Variants in DCC observed in about 807,000 individuals in gnomAD.
The protein encoded by DCC is DCC netrin 1 receptor.
Under a neutral mutation model 172.5 loss-of-function variants are expected in DCC, and 58 were observed. That is an observed-to-expected ratio of 0.34 (90% confidence interval 0.27 to 0.42). The LOEUF (loss-of-function observed/expected upper bound fraction) is 0.42. Among genes scored for constraint, DCC ranks in the 10% least tolerant of loss-of-function variants. The pLI is 1.00. For synonymous variants in DCC, 709 were observed against 644.5 expected (o/e 1.10, Z -1.52); for missense variants, 1,740 against 1,791.0 (o/e 0.97, Z 0.51).
chr18:53,065,976 T>A (rs538839257), intron 6 of DCC, 70 bp from the exon 7 acceptor site: 1 of 1,592,882 alleles, frequency 6.3e-7, no homozygotes, highest in South Asian at 1.1e-5. Context: ...TTTGGTCTCA[T>A]CTAAGTTCAT....
chr18:52,453,724 C>A (rs878918691), intron 1 of DCC, among the ~76,000 whole-genome samples: 2 of 152,100 alleles, frequency 1.3e-5, no homozygotes, highest in Non-Finnish European at 2.9e-5. Context: ...ATTTCACATA[C>A]GAGATTTTTT....
intron 5 of DCC, among the ~76,000 whole-genome samples, chr18:53,019,407 G>C (rs967948260): frequency 1.3e-5 from 2 of 152,096 alleles, no homozygotes; most frequent in Non-Finnish European, 2.9e-5. Flanking sequence ...AACAACTTAA[G>C]CCATTGTCAT....
At chr18:53,181,815 G>A (rs192777880) in intron 9 of DCC, among the ~76,000 whole-genome samples, 1 of 152,230 alleles carries the variant, frequency 6.6e-6, no homozygotes, top group Admixed American at 6.5e-5. Context: ...CTCGAGTAGG[G>A]GAACTTATAA....
chr18:52,932,080 TG>T (rs1379773363), intron 5 of DCC: 1 of 152,120 alleles, frequency 6.6e-6, no homozygotes, highest in Non-Finnish European at 1.5e-5. Flanking sequence ...GAAGAAAATG[TG>T]GAAGGAGGCT....
intron 1 of DCC, among the ~76,000 whole-genome samples, chr18:52,611,506 G>A (rs1296258509): frequency 6.6e-6 from 1 of 152,056 alleles, no homozygotes; most frequent in Non-Finnish European, 1.5e-5. Context: ...GGTGCTGGTG[G>A]GTAAAATGTC....
At chr18:52,796,362 A>G (rs1014537882) in intron 2 of DCC, among the ~76,000 whole-genome samples, 1 of 152,062 alleles carries the variant, frequency 6.6e-6, no homozygotes, top group Non-Finnish European at 1.5e-5. Flanking sequence ...CAGAATGGTA[A>G]CACTTGATTC....
chr18:52,360,925 C>T (rs1014079200), intron 1 of DCC, among the ~76,000 whole-genome samples: 1 of 152,100 alleles, frequency 6.6e-6, no homozygotes. Flanking sequence ...TGTAAGTGGA[C>T]CCATCTATGA....
chr18:53,228,228 T>C (rs972166680), intron 12 of DCC, among the ~76,000 whole-genome samples: 27 of 151,674 alleles, frequency 1.8e-4, no homozygotes, highest in African/African-American at 4.4e-4. Context: ...TCAAATATAA[T>C]GGCATTTAAA....
chr18:52,982,496 T>C (rs546156070), intron 5 of DCC, among the ~76,000 whole-genome samples: 7 of 152,244 alleles, frequency 4.6e-5, no homozygotes, highest in African/African-American at 1.7e-4. Flanking sequence ...GTCTCCTGCT[T>C]AGGGCAGCAT....
At chr18:53,463,631 C>T (rs1046804794) in intron 24 of DCC, among the ~76,000 whole-genome samples, 1 of 152,058 alleles carries the variant, frequency 6.6e-6, no homozygotes, top group Non-Finnish European at 1.5e-5. Flanking sequence ...GAGGTAGATG[C>T]TATCATTCTT....
intron 9 of DCC, among the ~76,000 whole-genome samples, chr18:53,201,760 C>A (rs1323051854): frequency 6.6e-6 from 1 of 152,122 alleles, no homozygotes; most frequent in African/African-American, 2.4e-5. Context: ...TCAACTTTTT[C>A]TCTTAAAGTC....
intron 3 of DCC, among the ~76,000 whole-genome samples, chr18:52,920,882 A>C (rs1330014699): frequency 3.9e-5 from 6 of 152,202 alleles, no homozygotes; most frequent in Non-Finnish European, 7.4e-5. Flanking sequence ...TGCATGAAGG[A>C]ATCTTAAATG....
intron 1 of DCC, among the ~76,000 whole-genome samples, chr18:52,675,208 G>A (rs2035627352): frequency 6.6e-6 from 1 of 152,032 alleles, no homozygotes; most frequent in Admixed American, 6.5e-5. Flanking sequence ...ACAGGTGAGT[G>A]CCACCACACC....
intron 12 of DCC, among the ~76,000 whole-genome samples, chr18:53,297,006 C>T (rs2057075291): frequency 6.6e-6 from 1 of 152,108 alleles, no homozygotes; most frequent in African/African-American, 2.4e-5. Context: ...TTGTCTTCAC[C>T]TGAAGGTCAC....
At chr18:53,313,760 C>G (rs930312289) in intron 13 of DCC, among the ~76,000 whole-genome samples, 1 of 152,170 alleles carries the variant, frequency 6.6e-6, no homozygotes, top group South Asian at 2.1e-4. Flanking sequence ...CTCTTGGGTT[C>G]TAGCATAGGG....
chr18:52,693,493 C>T (rs1346408792), intron 1 of DCC, among the ~76,000 whole-genome samples: 2 of 143,496 alleles, frequency 1.4e-5, no homozygotes, highest in East Asian at 4.2e-4. Context: ...TATAATATAA[C>T]ATAATACAAT....
Position 53,048,245 on chromosome 18 carries a change from A to AT in DCC, c.986-15049dup, listed in dbSNP as rs199612587. Among the ~76,000 whole-genome samples, 1,239 of 147,470 alleles carry AT rather than the reference A, an allele frequency of 8.4e-3. 10 individuals are homozygous for AT. The highest frequency in any genetic ancestry group is 0.024 in the Admixed American group (354 of 14,592). ...GTTATAAGGACAGTACCCAATAGGT[A>AT]TTTTTTTTTTTCTGATCTTCTCCCT... On this transcript the variant is annotated intron_variant, in intron 5 of 28. Transcript: ENST00000442544.
chr18:53,119,571 C>A (rs1413460190), intron 7 of DCC, among the ~76,000 whole-genome samples: 1 of 151,840 alleles, frequency 6.6e-6, no homozygotes, highest in Non-Finnish European at 1.5e-5. Flanking sequence ...CTTATTAAAA[C>A]ATTTTAAAAT....
At chr18:53,310,542 A>G (rs12963046) in intron 13 of DCC, among the ~76,000 whole-genome samples, 16,351 of 152,154 alleles carry the variant, frequency 0.11, 996 homozygotes, top group Middle Eastern at 0.18. Context: ...AGTTATAACA[A>G]GAATTGAAAT....
Sources: allele counts gnomAD v4.1 joint callset (sites outside exome capture counted in the v4.1 genomes callset), GRCh38; gene constraint gnomAD v4.1.1; transcripts MANE v1.5; gene names NCBI Gene and HGNC (gene_info 2026-07-23, HGNC 2026-07-21).